The following CADPS2 variants were observed in gnomAD, a reference collection of about 807,000 sequenced individuals.
CADPS2 encodes calcium dependent secretion activator 2.
Under a neutral mutation model 172.5 loss-of-function variants are expected in CADPS2, and 93 were observed. The ratio of observed to expected loss-of-function variants is 0.54; its 90% CI spans 0.46 to 0.64. The LOEUF is 0.64. CADPS2 is among the 30% of genes least tolerant of loss of function. The probability of loss-of-function intolerance (pLI) is 0.00; values close to 1 mark genes in which losing one functional copy is unlikely to be tolerated. For synonymous variants in CADPS2, 546 were observed against 555.2 expected, an observed-to-expected ratio of 0.98 and a Z score of 0.23; for missense variants, 1,420 against 1,565.9, an observed-to-expected ratio of 0.91 and a Z score of 1.57.
chr7:122,350,648 T>C (rs1207664752), intron 27 of CADPS2, among the ~76,000 whole-genome samples: 1 of 152,180 alleles, frequency 6.6e-6, no homozygotes, highest in Non-Finnish European at 1.5e-5. Context: ...ATTACATTTA[T>C]GCCAACTTAA....
chr7:122,695,506 A>G (rs2084956811), intron 2 of CADPS2, among the ~76,000 whole-genome samples: 3 of 152,208 alleles, frequency 2.0e-5, no homozygotes, highest in African/African-American at 4.8e-5. Context: ...TGATCTGTTT[A>G]CAACATTCTA....
chr7:122,514,990 C>T (rs1321402103), intron 8 of CADPS2, among the ~76,000 whole-genome samples: 4 of 152,044 alleles, frequency 2.6e-5, no homozygotes, highest in Non-Finnish European at 5.9e-5. Flanking sequence ...ATTTAAGTTT[C>T]CTTCTTTATT....
At chr7:122,638,067 G>C (rs2134405231) in intron 3 of CADPS2, among the ~76,000 whole-genome samples, 1 of 152,256 alleles carries the variant, frequency 6.6e-6, no homozygotes, top group African/African-American at 2.4e-5. Context: ...CTGTGGTCAG[G>C]GGAGAGAGAG....
chr7:122,608,970 T>C (rs936690407), intron 6 of CADPS2, among the ~76,000 whole-genome samples: 4 of 152,088 alleles, frequency 2.6e-5, no homozygotes, highest in African/African-American at 9.7e-5. Flanking sequence ...GGAGGATTGC[T>C]TGAGGCCAGG....
chr7:122,460,056 AG>A (rs1472426695), intron 14 of CADPS2, among the ~76,000 whole-genome samples: 1 of 152,160 alleles, frequency 6.6e-6, no homozygotes, highest in Non-Finnish European at 1.5e-5. Context: ...CAGTTTGAGG[AG>A]AGGCCCAGGA....
chr7:122,772,603 GA>G, intron 1 of CADPS2, among the ~76,000 whole-genome samples: 1 of 151,956 alleles, frequency 6.6e-6, no homozygotes. Flanking sequence ...TAAGGTAACA[GA>G]AAAATCCACT....
intron 27 of CADPS2, among the ~76,000 whole-genome samples, chr7:122,352,394 T>C (rs986033687): frequency 6.6e-6 from 1 of 152,250 alleles, no homozygotes; most frequent in African/African-American, 2.4e-5. Flanking sequence ...ATGGGTTTAC[T>C]CAGCTCAATT....
At chr7:122,473,828 T>A (rs764556186) in intron 13 of CADPS2, among the ~76,000 whole-genome samples, 33 of 152,196 alleles carry the variant, frequency 2.2e-4, no homozygotes, top group African/African-American at 8.0e-4. Flanking sequence ...CTCAATTTAA[T>A]TCACTCCTTT....
chr7:122,743,880 A>G (rs1230346668), intron 1 of CADPS2, among the ~76,000 whole-genome samples: 2 of 152,188 alleles, frequency 1.3e-5, no homozygotes, highest in Admixed American at 1.3e-4. Context: ...CAAGCTGTAT[A>G]TCAGAAAAAT....
At chr7:122,507,205 G>C (rs556847422) in intron 9 of CADPS2, among the ~76,000 whole-genome samples, 1 of 152,194 alleles carries the variant, frequency 6.6e-6, no homozygotes, top group Admixed American at 6.5e-5. Context: ...GGGTGGAAAA[G>C]GCACATTCGA....
rs913816569 is a variant in CADPS2 at position 122,665,438 on chromosome 7, A to G, written c.454-1869T>C. ...ACTGGTAGTAAATTCTGCATTGTCA[A>G]ATAAGATGCTCCTCAAACTACAATG... On this transcript the variant is annotated intron_variant, in intron 2 of 29. Transcript: ENST00000449022. Among the ~76,000 whole-genome samples the G allele has an allele frequency of 2.0e-5, 3 of 152,194 alleles. 1 individual carries two copies. The highest frequency in any genetic ancestry group is 4.4e-5 in the Non-Finnish European group (3 of 68,036).
intron 16 of CADPS2, among the ~76,000 whole-genome samples, chr7:122,439,000 G>A (rs1320105317): frequency 6.6e-6 from 1 of 151,892 alleles, no homozygotes; most frequent in African/African-American, 2.4e-5. Context: ...GAATACCACG[G>A]CAGTGTATTC....
At chr7:122,671,338 T>C (rs1447358816) in intron 2 of CADPS2, among the ~76,000 whole-genome samples, 1 of 152,144 alleles carries the variant, frequency 6.6e-6, no homozygotes, top group African/African-American at 2.4e-5. Context: ...AAACCAATGA[T>C]TTAATTCCCC....
intron 2 of CADPS2, among the ~76,000 whole-genome samples, chr7:122,706,891 G>T (rs2087651024): frequency 6.7e-6 from 1 of 148,802 alleles, no homozygotes; most frequent in Admixed American, 6.8e-5. Flanking sequence ...TGTCTCTTTG[G>T]CTAGAATTGC....
intron 3 of CADPS2, among the ~76,000 whole-genome samples, chr7:122,635,647 T>A (rs553632530): frequency 1.3e-5 from 2 of 152,314 alleles, no homozygotes; most frequent in Admixed American, 1.3e-4. Context: ...CCATGGTGTA[T>A]ATGTGCCACA....
At chr7:122,798,501 A>G (rs1796889311) in intron 1 of CADPS2, among the ~76,000 whole-genome samples, 1 of 152,196 alleles carries the variant, frequency 6.6e-6, no homozygotes, top group African/African-American at 2.4e-5. Flanking sequence ...TAGATGTCCT[A>G]TATTATCCCA....
intron 2 of CADPS2, among the ~76,000 whole-genome samples, chr7:122,671,697 T>C (rs1038870448): frequency 6.6e-6 from 1 of 152,134 alleles, no homozygotes; most frequent in Admixed American, 6.5e-5. Flanking sequence ...AAAGAATCCC[T>C]GGATAAGCAA....
chr7:122,571,642 T>G (rs541995692), intron 7 of CADPS2, among the ~76,000 whole-genome samples: 1 of 152,256 alleles, frequency 6.6e-6, no homozygotes, highest in Non-Finnish European at 1.5e-5. Flanking sequence ...CCAGACCTAA[T>G]TAGAAAGAAT....
intron 7 of CADPS2, among the ~76,000 whole-genome samples, chr7:122,565,741 T>C (rs1451539156): frequency 2.0e-5 from 3 of 152,190 alleles, no homozygotes; most frequent in East Asian, 1.9e-4. Flanking sequence ...ATTTACACTA[T>C]ACAACATGTT....
Sources: allele counts gnomAD v4.1 joint callset (sites outside exome capture counted in the v4.1 genomes callset), GRCh38; gene constraint gnomAD v4.1.1; transcripts MANE v1.5; gene names NCBI Gene and HGNC (gene_info 2026-07-23, HGNC 2026-07-21).